MTM1: variants seen among roughly 807,000 people sequenced by gnomAD.
MTM1 encodes myotubularin 1.
In MTM1, 9 loss-of-function variants were observed where a neutral mutation model predicts 52.1. The ratio of observed to expected loss-of-function variants is 0.17; its 90% CI spans 0.10 to 0.30. MTM1 has a LOEUF of 0.30. MTM1 is among the 10% of genes least tolerant of loss of function. The probability of loss-of-function intolerance (pLI) is 1.00; values close to 1 mark genes in which losing one functional copy is unlikely to be tolerated. For missense variants in MTM1, 277 were observed against 470.7 expected (o/e 0.59, Z 3.81); for synonymous variants, 136 against 163.8 (o/e 0.83, Z 1.29).
intron 6 of MTM1, among the ~76,000 whole-genome samples, chrX:150,619,605 C>T (rs188772623): frequency 0.014 from 1,517 of 112,220 alleles, 14 homozygotes; most frequent in Non-Finnish European, 0.022. Context: ...GTACCTAAAA[C>T]TTTTCCTTCC....
Position 150,617,082 on chromosome X carries a change from A to G in MTM1, c.343-1956A>G, listed in dbSNP as rs2266846. On this transcript the variant is annotated intron_variant, in intron 5 of 14. Coordinates refer to ENST00000370396, the MANE Select transcript of MTM1 (RefSeq NM_000252.3). ...CGCCTGTGAGTCATTTGCCTTTTCTACTTCAGTTTTGTTGGCAAGAAATAA... is the reference window on the plus strand; with the variant it reads ...CGCCTGTGAGTCATTTGCCTTTTCTGCTTCAGTTTTGTTGGCAAGAAATAA... 8.9e-5 allele frequency among the ~76,000 whole-genome samples: 10 copies of G among 112,706 alleles called. No homozygotes were observed. The East Asian group carries it at 2.8e-3, about 31-fold the overall frequency.
At chrX:150,591,062 C>T (rs1402411203) in intron 1 of MTM1, 2 of 732,681 alleles carry the variant, frequency 2.7e-6, no homozygotes, top group Admixed American at 8.8e-5. Context: ...TTTTTCAAAG[C>T]ATATTTTACG....
chrX:150,563,633 C>G (rs2038228355), upstream of MTM1, among the ~76,000 whole-genome samples: 1 of 107,316 alleles, frequency 9.3e-6, no homozygotes, highest in Non-Finnish European at 1.9e-5. Flanking sequence ...CGCCTGTAAT[C>G]CCAGCACTTT....
At chrX:150,650,373 C>T (rs1221573563) in intron 10 of MTM1, among the ~76,000 whole-genome samples, 1 of 111,137 alleles carries the variant, frequency 9.0e-6, no homozygotes, top group African/African-American at 3.3e-5. Context: ...CAATAATCCT[C>T]CACTTTTTAA....
At chrX:150,625,563 C>T (rs2039553377) in intron 6 of MTM1, among the ~76,000 whole-genome samples, 1 of 111,671 alleles carries the variant, frequency 9.0e-6, no homozygotes, top group Non-Finnish European at 1.9e-5. Context: ...GGGTGAGATA[C>T]GGGGGGCAGT....
chrX:150,563,289 C>CATGCTTAA, the MTM1 span, among the ~76,000 whole-genome samples: 1 of 103,387 alleles, frequency 9.7e-6, no homozygotes, highest in Non-Finnish European at 2.0e-5. Flanking sequence ...GTCTTCTTCC[C>CATGCTTAA]ATGCTTAAAT....
At chrX:150,669,055 G>GGT (rs1349405219) in intron 14 of MTM1, among the ~76,000 whole-genome samples, 3 of 110,564 alleles carry the variant, frequency 2.7e-5, no homozygotes, top group Non-Finnish European at 5.7e-5. Context: ...AACAGGCCCT[G>GGT]GTGTGTGTGT....
chrX:150,619,186 C>T (rs1448459318), intron 6 of MTM1, 47 bp downstream of exon 6: 2 of 959,521 alleles, frequency 2.1e-6, no homozygotes, highest in South Asian at 1.9e-5. Flanking sequence ...TCAGTGCCTC[C>T]TCTGTGAAAA....
chrX:150,641,012 C>T (rs55824675), intron 7 of MTM1, among the ~76,000 whole-genome samples: 5 of 111,544 alleles, frequency 4.5e-5, no homozygotes, highest in Non-Finnish European at 9.4e-5. Flanking sequence ...TAAAGGAAGA[C>T]GAATTCCTTT....
chrX:150,614,470 A>T (rs2039345421), intron 4 of MTM1, 119 bp from the exon 5 acceptor site: 2 of 499,975 alleles, frequency 4.0e-6, no homozygotes, highest in Non-Finnish European at 7.1e-6. Flanking sequence ...TTTTGTTCAT[A>T]AAGTGCTAAA....
intron 6 of MTM1, among the ~76,000 whole-genome samples, chrX:150,637,937 A>G (rs56195945): frequency 0.28 from 30,917 of 111,839 alleles, 3,789 homozygotes; most frequent in African/African-American, 0.49. Flanking sequence ...GTGGAAAGCT[A>G]CGGGAGGATT....
rs782646575 is a variant in MTM1 at position 150,617,701 on chromosome X, G to A, written c.343-1337G>A. ...GCCTGTGCTGGTCCTTCAGACTGAAGACTTGGGAAGCGTTAAGAGTGCTCT... is the reference window on the plus strand; with the variant it reads ...GCCTGTGCTGGTCCTTCAGACTGAAAACTTGGGAAGCGTTAAGAGTGCTCT... On this transcript the variant is annotated intron_variant, in intron 5 of 14. Transcript: ENST00000370396. 5.7e-4 allele frequency among the ~76,000 whole-genome samples: 64 copies of A among 111,976 alleles called. 1 individual carries two copies. Among genetic ancestry groups the A allele is most frequent in the African/African-American group, 2.0e-3 (62 of 30,828 alleles).
chrX:150,629,928 T>C (rs1380954435), intron 6 of MTM1, among the ~76,000 whole-genome samples: 3 of 111,703 alleles, frequency 2.7e-5, no homozygotes, highest in Non-Finnish European at 5.6e-5. Flanking sequence ...GAGAGCTATA[T>C]ACACTGTCAT....
At chrX:150,663,090 C>T (rs1157921186) in intron 13 of MTM1, among the ~76,000 whole-genome samples, 1 of 112,144 alleles carries the variant, frequency 8.9e-6, no homozygotes, top group Non-Finnish European at 1.9e-5. Flanking sequence ...TTTTTCTTTT[C>T]ACTGAATTAA....
chrX:150,667,046 C>A, intron 14 of MTM1, among the ~76,000 whole-genome samples: 1 of 112,049 alleles, frequency 8.9e-6, no homozygotes, highest in Non-Finnish European at 1.9e-5. Context: ...TTACTTCTTT[C>A]TACTCTTCTC....
At chrX:150,572,291 TG>T (rs2038391277) in intron 1 of MTM1, among the ~76,000 whole-genome samples, 1 of 111,836 alleles carries the variant, frequency 8.9e-6, no homozygotes, top group Non-Finnish European at 1.9e-5. Context: ...GAGAATCAAA[TG>T]TGCCTCAGAG....
intron 2 of MTM1, among the ~76,000 whole-genome samples, chrX:150,595,998 G>T (rs1028309086): frequency 2.1e-5 from 2 of 93,502 alleles, no homozygotes; most frequent in Admixed American, 2.5e-4. Context: ...GAGAGGAAGG[G>T]TCTTAGTGAA....
At chrX:150,664,249 C>T (rs1401608893) in intron 14 of MTM1, among the ~76,000 whole-genome samples, 2 of 112,782 alleles carry the variant, frequency 1.8e-5, no homozygotes, top group Non-Finnish European at 3.7e-5. Context: ...TTGATTTGTT[C>T]TAAGCATTAT....
intron 1 of MTM1, 79 bp downstream of exon 1, chrX:150,568,741 G>T (rs1486769696): frequency 8.8e-6 from 1 of 113,438 alleles, no homozygotes; most frequent in East Asian, 2.8e-4. Flanking sequence ...GGAGGAGGAA[G>T]TTGGGACTCC....
Sources: gnomAD v4.1 joint callset for allele counts (sites outside exome capture counted in the v4.1 genomes callset) on GRCh38, gnomAD v4.1.1 for gene constraint, MANE v1.5 for transcripts, NCBI Gene and HGNC (gene_info 2026-07-23, HGNC 2026-07-21) for gene names.